Variants in DNHD1 observed in about 807,000 individuals in gnomAD.
The protein encoded by DNHD1 is dynein heavy chain domain-containing protein 1.
In DNHD1, 383 loss-of-function variants were observed where a neutral mutation model predicts 458.1. That is an observed-to-expected ratio of 0.84 (90% CI 0.77 to 0.91). The LOEUF (loss-of-function observed/expected upper bound fraction) is 0.91, where lower values mean the gene tolerates loss of function less well. Ranked by LOEUF, DNHD1 falls within the 40% of genes least tolerant of loss-of-function variation. The pLI is 0.00. For missense variants in DNHD1, 5,336 were observed against 5,866.1 expected (o/e 0.91, Z 2.95); for synonymous variants, 2,203 against 2,376.9 (o/e 0.93, Z 2.13).
rs201400447 is a variant in DNHD1, at chr11:6,570,797, C to A, written c.13285C>A (p.Arg4429=). 6.2e-7 allele frequency: 1 copy of A among 1,613,548 alleles called. No homozygotes were observed. Among genetic ancestry groups the A allele is most frequent in the Admixed American group, 1.7e-5 (1 of 59,964 alleles). ...RSSPVWVPES[R]RGAQLAERRL... is the part of the protein sequence containing the mutation. ...TTCACCCGTGTGGGTTCCTGAGTCT[C>A]GAAGAGGCGCCCAGCTTGCGGAAAG... The change falls in exon 42 of 43, where the codon CGA becomes AGA. Residue 4429 remains arginine, a synonymous_variant. Coordinates refer to ENST00000254579, the MANE Select transcript of DNHD1 (RefSeq NM_144666.3).
chr11:6,498,551 C>T lies in DNHD1; in HGVS notation c.336C>T (p.Tyr112=). 6.2e-7 allele frequency: 1 copy of T among 1,614,224 alleles called. No individual in the cohort carries two copies. The highest frequency in any genetic ancestry group is 8.5e-7 in the Non-Finnish European group (1 of 1,180,032). Residue 112 remains tyrosine, a synonymous_variant, in exon 3 of 43, where the codon TAC becomes TAT. Transcript: ENST00000254579. ...TGCTGCCCTTCCTGGAGCAGCTGTACTGCTGGGCACCCTGGGTCCAAACCC... is the reference window on the plus strand; with the variant it reads ...TGCTGCCCTTCCTGGAGCAGCTGTATTGCTGGGCACCCTGGGTCCAAACCC... ...LDLLPFLEQL[Y]CWAPWVQTHL...
chr11:6,571,051 A>AC lies in DNHD1; in HGVS notation c.13544dup (p.Cys4516ValfsTer60). 6.4e-7 allele frequency: 1 copy of AC among 1,556,662 alleles called. No homozygotes were observed. Among genetic ancestry groups the AC allele is most frequent in the South Asian group, 1.2e-5 (1 of 83,934 alleles). ...GCCTGTTGCAGCAGCTGAAGGGCGC[A>AC]CCCCCGTGCCCCTCCCGCCGCTGTG... is the stretch of plus-strand genomic sequence containing the variant. On this transcript the variant is annotated frameshift_variant, in exon 42 of 43. Transcript: ENST00000254579. LOFTEE classifies it high-confidence loss of function. This position sits in a 1 kb window ranked among gnomAD's most constrained non-coding sequence, Gnocchi z 5.0.
Position 6,547,614 on chromosome 11 carries a change from T to C in DNHD1, c.6675T>C (p.His2225=), listed in dbSNP as rs1337877955. 6.5e-7 allele frequency: 1 copy of C among 1,542,040 alleles called. No homozygotes were observed. The highest frequency in any genetic ancestry group is 1.7e-4 in the Middle Eastern group (1 of 5,964). The change falls in exon 21 of 43, where the codon CAT becomes CAC. Residue 2225 remains histidine (H), a synonymous_variant. Coordinates refer to ENST00000254579, the MANE Select transcript of DNHD1 (RefSeq NM_144666.3). The stretch of plus-strand genomic sequence containing the variant: ...TTACCAGCATGGCACGCATCTTGCA[T>C]AGTCTGCTTGACCTCCACCTTCGCC... ...AEVTSMARIL[H]SLLDLHLRLK...
intron 18 of DNHD1, among the ~76,000 whole-genome samples, chr11:6,542,107 G>A (rs538842421): frequency 1.3e-5 from 2 of 152,262 alleles, no homozygotes; most frequent in South Asian, 4.1e-4. Context: ...TGTTCACATC[G>A]CCCTTATTAA....
chr11:6,518,152 G>A (rs539531211), intron 7 of DNHD1, among the ~76,000 whole-genome samples: 4 of 152,220 alleles, frequency 2.6e-5, no homozygotes, highest in Non-Finnish European at 2.9e-5. Flanking sequence ...TCAACTTCCC[G>A]GGCTCAGGTG....
chr11:6,566,089 C>T (rs1168199916), intron 33 of DNHD1, 98 bp downstream of exon 33: 1 of 1,456,926 alleles, frequency 6.9e-7, no homozygotes, highest in Non-Finnish European at 9.2e-7. Context: ...CAGTTCCCAT[C>T]CTTCATCCCA....
chr11:6,568,142 G>A lies in DNHD1; in HGVS notation c.12438G>A (p.Met4146Ile). The A allele has an allele frequency of 1.9e-6, 3 of 1,560,282 alleles. No homozygotes were observed. The highest frequency in any genetic ancestry group is 2.6e-6 in the Non-Finnish European group (3 of 1,151,296). The change falls in exon 37 of 43, where the codon ATG (methionine) becomes ATA (isoleucine). Residue 4146 changes from methionine (M) to isoleucine (I), a missense_variant. Physicochemically the swap from Met to Ile is conservative, Grantham distance 10. This residue lies in a region of DNHD1 where 695 missense variants were observed against 804.2 expected (regional missense o/e 0.86). Transcript: ENST00000254579. ...TGGTCAGCACTCTATCCCAGGCTAT[G>A]TATGAGGGGCACTGGCTGGTGCTGG... ...SVVVSTLSQA[M>I]YEGHWLVLDN...
At position 6,505,303 on chromosome 11, in the gene DNHD1, A is replaced by G. The variant is rs889004121; in HGVS notation, c.920+2377A>G. Among the ~76,000 whole-genome samples the G allele has an allele frequency of 1.3e-5, 2 of 151,866 alleles. No individual in the cohort carries two copies. Among genetic ancestry groups the G allele is most frequent in the African/African-American group, 4.8e-5 (2 of 41,314 alleles). Reference sequence around the variant, plus strand: ...ACTCTGTTGCCTAGGCTGGAGTGCCATGGCGATCTTGGCTCACTTTAATCT... The same window carrying G: ...ACTCTGTTGCCTAGGCTGGAGTGCCGTGGCGATCTTGGCTCACTTTAATCT... On this transcript the variant is annotated intron_variant, in intron 4 of 42. Coordinates refer to ENST00000254579, the MANE Select transcript of DNHD1 (RefSeq NM_144666.3). This position sits in a 1 kb window ranked among gnomAD's most constrained non-coding sequence, Gnocchi z 4.4.
Position 6,498,153 on chromosome 11 carries a change from T to A in DNHD1, c.-63T>A. 6.4e-7 allele frequency: 1 copy of A among 1,561,078 alleles called. No individual in the cohort carries two copies. The highest frequency in any genetic ancestry group is 1.2e-5 in the South Asian group (1 of 81,348). On this transcript the variant is annotated 5_prime_UTR_variant, in exon 3 of 43. Transcript: ENST00000254579. ...GGCCCCGCATCTGGCATCCTGGAAC[T>A]GGCAGTTGGAGCCTGAGCTATGGGC...
At chr11:6,570,182 C>T (rs1160792164) in intron 40 of DNHD1, 65 bp from the exon 41 acceptor site, 1 of 1,613,598 alleles carries the variant, frequency 6.2e-7, no homozygotes, top group Non-Finnish European at 8.5e-7. Context: ...CAATTCACAG[C>T]TTTGGTTTTG....
At chr11:6,551,798 G>A (rs1204305951) in intron 24 of DNHD1, among the ~76,000 whole-genome samples, 1 of 152,122 alleles carries the variant, frequency 6.6e-6, no homozygotes, top group African/African-American at 2.4e-5. Context: ...AAAATTAGCT[G>A]GGCATGGTGG....
intron 7 of DNHD1, among the ~76,000 whole-genome samples, chr11:6,512,965 G>T (rs997406464): frequency 2.0e-5 from 3 of 152,072 alleles, no homozygotes; most frequent in Admixed American, 2.0e-4. Flanking sequence ...CTCTCTTTAG[G>T]AGGTTTAGAG....
Position 6,533,929 on chromosome 11 carries a change from G to A in DNHD1, c.2754G>A (p.Glu918=), listed in dbSNP as rs1277777254. 3 of 1,551,254 alleles carry A rather than the reference G, an allele frequency of 1.9e-6. No homozygotes were observed. The highest frequency in any genetic ancestry group is 2.4e-5 in the East Asian group (1 of 40,880). Residue 918 remains glutamate (E), a synonymous_variant, in exon 14 of 43, where the codon GAG becomes GAA. Coordinates refer to ENST00000254579, the MANE Select transcript of DNHD1 (RefSeq NM_144666.3). The part of the protein sequence containing the change: ...LLDMWEAFQF[E]KSQASEFLLS... ...ATATGTGGGAGGCATTTCAGTTTGA[G>A]AAAAGCCAGGCTTCAGAGTTCCTGC...
At position 6,556,674 on chromosome 11, in the gene DNHD1, G is replaced by A; in HGVS notation, c.7388-9G>A. ...ACATGTCCTCATTATTATTCCTCAT[G>A]TCCCATAGACCCAGAGAAGAGCTGC... On this transcript the variant is annotated splice_polypyrimidine_tract_variant and intron_variant, in intron 24 of 42. Coordinates refer to ENST00000254579, the MANE Select transcript of DNHD1 (RefSeq NM_144666.3). The A allele has an allele frequency of 6.5e-7, 1 of 1,531,098 alleles. No homozygotes were observed. The highest frequency in any genetic ancestry group is 8.8e-7 in the Non-Finnish European group (1 of 1,132,960). 94.8% of individuals were successfully genotyped at this position (1,531,098 alleles called of 1,614,324 possible).
intron 3 of DNHD1, among the ~76,000 whole-genome samples, chr11:6,499,866 C>T (rs1229259540): frequency 6.6e-6 from 1 of 151,830 alleles, no homozygotes; most frequent in Non-Finnish European, 1.5e-5. Flanking sequence ...GCGCCCGGCC[C>T]TATTGTTTTC....
intron 32 of DNHD1, among the ~76,000 whole-genome samples, chr11:6,565,123 G>T (rs1034143496): frequency 2.0e-5 from 3 of 152,204 alleles, no homozygotes; most frequent in Admixed American, 1.3e-4. Flanking sequence ...ACCCATCTGG[G>T]TGGAGTATTG....
At chr11:6,563,172 C>T in intron 29 of DNHD1, 41 bp downstream of exon 29, 2 of 1,551,170 alleles carry the variant, frequency 1.3e-6, no homozygotes, top group Middle Eastern at 3.3e-4. Context: ...GCTCCTCTCT[C>T]AAAAGAGGGC....
Position 6,553,750 on chromosome 11 carries a change from T to C in DNHD1, c.7388-2933T>C, listed in dbSNP as rs377656579. Among the ~76,000 whole-genome samples, 13 of 152,288 alleles carry C rather than the reference T, an allele frequency of 8.5e-5. No homozygotes were observed. In the East Asian group the frequency reaches 1.7e-3, roughly 20 times the overall value. ...ATTTTAAAATATCACTTAAAAGTCA[T>C]TTAAAAGCATAAAATACTTAGGAAT... On this transcript the variant is annotated intron_variant, in intron 24 of 42. Transcript: ENST00000254579.
intron 24 of DNHD1, among the ~76,000 whole-genome samples, chr11:6,553,448 TACTC>T (rs1370680223): frequency 1.3e-5 from 2 of 152,160 alleles, no homozygotes; most frequent in African/African-American, 4.8e-5. Flanking sequence ...GGCAAGAACA[TACTC>T]ACTGCTTCTA....
Sources: allele counts gnomAD v4.1 joint callset (sites outside exome capture counted in the v4.1 genomes callset), GRCh38; gene constraint gnomAD v4.1.1; regional missense constraint gnomAD v4.1.1; non-coding constraint Gnocchi (gnomAD v3.1); transcripts MANE v1.5; gene names NCBI Gene and HGNC (gene_info 2026-07-23, HGNC 2026-07-21).